Variants in PRDM5 observed in about 807,000 individuals in gnomAD.
PRDM5 encodes PR/SET domain 5, also known as PR domain zinc finger protein 5.
In PRDM5, 56 loss-of-function variants were observed where a neutral mutation model predicts 81.2. The observed-to-expected ratio is 0.69, with a 90% CI of 0.56 to 0.86. The LOEUF is 0.86. Ranked by LOEUF, PRDM5 falls within the 40% of genes least tolerant of loss-of-function variation. PRDM5 has a pLI of 0.00. For synonymous variants in PRDM5, 267 were observed against 256.4 expected (o/e 1.04, Z -0.39); for missense variants, 697 against 770.1 (o/e 0.91, Z 1.12).
Position 120,808,022 on chromosome 4 carries a change from CTGCAGACCTT to C in PRDM5, c.945+3338_945+3347del, listed in dbSNP as rs1264028149. Among the ~76,000 whole-genome samples the C allele has an allele frequency of 3.3e-5, 5 of 152,324 alleles. No homozygotes were observed. The East Asian group carries it at 7.7e-4, about 24-fold the overall frequency. On this transcript the variant is annotated intron_variant, in intron 8 of 15. Transcript: ENST00000264808. The stretch of plus-strand genomic sequence containing the variant: ...GGTCTCACTGGCCTCAGGAGAGAAG[CTGCAGACCTT>C]TGCAGTGAGTGTTACAGCTCATAAA...
chr4:120,749,017 G>T (rs1003900973), intron 14 of PRDM5, among the ~76,000 whole-genome samples: 1 of 152,082 alleles, frequency 6.6e-6, no homozygotes, highest in Non-Finnish European at 1.5e-5. Flanking sequence ...AGTGGGAAAA[G>T]TTATCCTCAA....
rs144464756 is a variant in PRDM5 at position 120,765,154 on chromosome 4, C to T, written c.1538-10516G>A. Among the ~76,000 whole-genome samples the T allele has an allele frequency of 3.3e-3, 495 of 152,150 alleles. 3 individuals carry two copies. The highest frequency in any genetic ancestry group is 0.012 in the African/African-American group (479 of 41,520). On this transcript the variant is annotated intron_variant, in intron 13 of 15. Coordinates refer to ENST00000264808, the MANE Select transcript of PRDM5 (RefSeq NM_018699.4). The stretch of plus-strand genomic sequence containing the variant: ...AAAAACAGTGGCTAAAATCCAAATA[C>T]GATCAAATAATAATATACTGATTTT...
At chr4:120,877,268 T>C (rs1014834350) in intron 2 of PRDM5, among the ~76,000 whole-genome samples, 2 of 152,160 alleles carry the variant, frequency 1.3e-5, no homozygotes, top group Non-Finnish European at 2.9e-5. Flanking sequence ...GAGTAGCAAA[T>C]AGTTTCCTCC....
intron 3 of PRDM5, among the ~76,000 whole-genome samples, chr4:120,822,377 G>A (rs181739037): frequency 1.1e-3 from 165 of 152,272 alleles, no homozygotes; most frequent in African/African-American, 3.6e-3. Context: ...AAGAAAGTAA[G>A]GTCCACCAAT....
intron 15 of PRDM5, among the ~76,000 whole-genome samples, chr4:120,701,150 A>AAC (rs540160269): frequency 7.7e-4 from 110 of 142,122 alleles, no homozygotes; most frequent in African/African-American, 3.0e-3. Flanking sequence ...AAAACAAACA[A>AAC]AAAAAAAAGA....
intron 2 of PRDM5, among the ~76,000 whole-genome samples, chr4:120,877,226 A>C (rs1012802505): frequency 6.6e-6 from 1 of 152,190 alleles, no homozygotes; most frequent in Admixed American, 6.5e-5. Context: ...GAATAAACGA[A>C]GACTTTGTTT....
intron 10 of PRDM5, among the ~76,000 whole-genome samples, chr4:120,795,788 C>T (rs1043827634): frequency 6.6e-5 from 10 of 152,080 alleles, no homozygotes; most frequent in African/African-American, 1.7e-4. Flanking sequence ...TGGCACATGC[C>T]TGTAGTCCCA....
intron 13 of PRDM5, among the ~76,000 whole-genome samples, chr4:120,770,006 CTATTTATT>C (rs573883065): frequency 1.6e-4 from 22 of 137,884 alleles, no homozygotes; most frequent in South Asian, 9.3e-4. Flanking sequence ...TAAAATATCC[CTATTTATT>C]TATTTATTTG....
At chr4:120,723,298 G>A (rs28557150) in intron 14 of PRDM5, among the ~76,000 whole-genome samples, 4,884 of 152,138 alleles carry the variant, frequency 0.032, 260 homozygotes, top group African/African-American at 0.11. Flanking sequence ...AAAGGAAGCC[G>A]AAAAAAATCT....
At chr4:120,770,044 A>T (rs12499586) in intron 13 of PRDM5, among the ~76,000 whole-genome samples, 2 of 149,528 alleles carry the variant, frequency 1.3e-5, no homozygotes, top group Non-Finnish European at 3.0e-5. Flanking sequence ...TTGTTTGTTT[A>T]TTTTTTGAGG....
intron 1 of PRDM5, among the ~76,000 whole-genome samples, chr4:120,912,118 G>C (rs1013202761): frequency 6.6e-6 from 1 of 152,010 alleles, no homozygotes; most frequent in African/African-American, 2.4e-5. Context: ...ATTCTCCATG[G>C]ATACTAAAAC....
At chr4:120,733,446 C>T (rs75785382) in intron 14 of PRDM5, among the ~76,000 whole-genome samples, 5,442 of 152,250 alleles carry the variant, frequency 0.036, 124 homozygotes, top group African/African-American at 0.061. Flanking sequence ...GTTTGCAATG[C>T]CCTACCCCCA....
chr4:120,719,241 TG>T (rs1738242992), intron 14 of PRDM5, among the ~76,000 whole-genome samples: 1 of 152,224 alleles, frequency 6.6e-6, no homozygotes, highest in African/African-American at 2.4e-5. Flanking sequence ...AAACGTCCCC[TG>T]GGGGGCAAAC....
At chr4:120,686,258 A>G (rs566877082) in intron 1 of PRDM5, among the ~76,000 whole-genome samples, 19 of 152,200 alleles carry the variant, frequency 1.2e-4, no homozygotes, top group African/African-American at 4.3e-4. Context: ...ATTTATGACA[A>G]TGCAAGAACG....
At chr4:120,773,804 G>C (rs1242031102) in intron 13 of PRDM5, among the ~76,000 whole-genome samples, 1 of 152,110 alleles carries the variant, frequency 6.6e-6, no homozygotes, top group Non-Finnish European at 1.5e-5. Flanking sequence ...TTCAAATTCT[G>C]CAATCAAAAG....
rs1241621609 is a variant in PRDM5, at chr4:120,820,905, G to T, written c.475+266C>A. ...TTACCCCAATGCGCCAGTGAGAGCA[G>T]TGAGAGCCGGGAGCTGCCCTAGCAA... On this transcript the variant is annotated intron_variant, in intron 4 of 15. Transcript: ENST00000264808. Among the ~76,000 whole-genome samples the T allele has an allele frequency of 7.2e-5, 11 of 152,234 alleles. 1 individual carries two copies. Among genetic ancestry groups the T allele is most frequent in the Admixed American group, 3.9e-4 (6 of 15,288 alleles).
At chr4:120,897,893 T>G (rs947045979) in intron 2 of PRDM5, among the ~76,000 whole-genome samples, 2 of 152,226 alleles carry the variant, frequency 1.3e-5, no homozygotes, top group Non-Finnish European at 2.9e-5. Context: ...TATTATAAAG[T>G]CCACATCTGC....
chr4:120,706,001 G>A (rs898910641), intron 15 of PRDM5, among the ~76,000 whole-genome samples: 1 of 152,178 alleles, frequency 6.6e-6, no homozygotes, highest in Non-Finnish European at 1.5e-5. Context: ...TGAAAAACAG[G>A]TAGATGCAAA....
chr4:120,889,132 G>A (rs1763779949), intron 2 of PRDM5, among the ~76,000 whole-genome samples: 2 of 152,146 alleles, frequency 1.3e-5, no homozygotes, highest in South Asian at 4.1e-4. Context: ...GCTTATTTAA[G>A]AAACCTGTCT....
Sources: allele counts gnomAD v4.1 joint callset (sites outside exome capture counted in the v4.1 genomes callset), GRCh38; gene constraint gnomAD v4.1.1; transcripts MANE v1.5; gene names NCBI Gene and HGNC (gene_info 2026-07-23, HGNC 2026-07-21).